The following PRDM11 variants were observed in gnomAD, a reference collection of about 807,000 sequenced individuals.
The protein encoded by PRDM11 is PR/SET domain 11, also known as PR domain-containing protein 11.
A neutral mutation model predicts 97.8 loss-of-function variants in PRDM11; 20 were observed. That is an observed-to-expected ratio of 0.20 (90% CI 0.14 to 0.30). The LOEUF is 0.30. Ranked by LOEUF, PRDM11 falls within the 10% of genes least tolerant of loss-of-function variation. The probability of loss-of-function intolerance (pLI) is 1.00; values close to 1 mark genes in which losing one functional copy is unlikely to be tolerated. For missense variants in PRDM11, 1,139 were observed against 1,555.2 expected, an observed-to-expected ratio of 0.73 and a Z score of 4.50; for synonymous variants, 599 against 637.7, an observed-to-expected ratio of 0.94 and a Z score of 0.91.
At chr11:45,119,125 G>A (rs968677167) in intron 1 of PRDM11, among the ~76,000 whole-genome samples, 1 of 152,200 alleles carries the variant, frequency 6.6e-6, no homozygotes, top group African/African-American at 2.4e-5. Context: ...GCAAGCTGAG[G>A]CTCTGATCTA....
chr11:45,101,675 G>A (rs76158292), intron 1 of PRDM11, among the ~76,000 whole-genome samples: 18,550 of 95,134 alleles, frequency 0.19, 2,519 homozygotes, highest in African/African-American at 0.37. Context: ...GAGGCTGAGC[G>A]GAGGAAGAAG....
Position 45,227,063 on chromosome 11 carries a change from G to A in PRDM11, c.2438G>A (p.Cys813Tyr), listed in dbSNP as rs1253690037. ...CTGCGGTCCACGGCGGCCACCCTTT[G>A]TGAGGAGACAGAGTTCCTGGGCGAT... ...CELRSTAATLCEETEFLGDIR... is the reference protein window; with the variant it reads ...CELRSTAATLYEETEFLGDIR... Residue 813 changes from cysteine to tyrosine, a missense_variant, in exon 8 of 8, where the codon TGT becomes TAT. Cys to Tyr is a radical substitution (Grantham distance 194). Transcript: ENST00000683152. The surrounding 1 kb of genome is among the most constrained non-coding windows in gnomAD (Gnocchi z 8.0). 1.3e-6 allele frequency: 2 copies of A among 1,533,976 alleles called. No individual in the cohort carries two copies. Among genetic ancestry groups the A allele is most frequent in the Non-Finnish European group, 1.7e-6 (2 of 1,146,742 alleles).
rs1341209681 is a variant in PRDM11, at chr11:45,224,481, A to G, written c.1007A>G (p.Lys336Arg). 6.2e-7 allele frequency: 1 copy of G among 1,614,144 alleles called. No homozygotes were observed. Among genetic ancestry groups the G allele is most frequent in the East Asian group, 2.2e-5 (1 of 44,866 alleles). The change falls in exon 7 of 8, where the codon AAA becomes AGA. Residue 336 changes from lysine to arginine, a missense_variant. Physicochemically the swap from Lys to Arg is conservative, Grantham distance 26. This residue lies in a region of PRDM11 where 429 missense variants were observed against 510.3 expected (regional missense o/e 0.84). Coordinates refer to ENST00000683152, the MANE Select transcript of PRDM11 (RefSeq NM_001384648.1). The part of the protein sequence containing the change: ...STSLVIRKVP[K>R]YQDDAYSQCA... ...TCACTGGTCATCAGGAAAGTCCCCA[A>G]ATACCAGGATGACGCCTACAGTCAG...
intron 1 of PRDM11, among the ~76,000 whole-genome samples, chr11:45,164,330 C>T (rs1852007571): frequency 6.6e-6 from 1 of 152,252 alleles, no homozygotes; most frequent in Non-Finnish European, 1.5e-5. Flanking sequence ...CCAGGCTGCG[C>T]TCTGCCAGCC....
chr11:45,159,884 G>C (rs1163332239), intron 1 of PRDM11, among the ~76,000 whole-genome samples: 1 of 152,226 alleles, frequency 6.6e-6, no homozygotes, highest in Non-Finnish European at 1.5e-5. Flanking sequence ...CAATTGGCCA[G>C]GGCTGGGGGC....
intron 1 of PRDM11, among the ~76,000 whole-genome samples, chr11:45,149,755 C>G (rs1470480690): frequency 6.6e-6 from 1 of 152,232 alleles, no homozygotes; most frequent in Non-Finnish European, 1.5e-5. Flanking sequence ...TCACTCCGTG[C>G]GTGAAGCCCT....
chr11:45,149,621 C>T (rs1003391623), intron 1 of PRDM11, among the ~76,000 whole-genome samples: 5 of 152,336 alleles, frequency 3.3e-5, no homozygotes, highest in South Asian at 4.1e-4. Flanking sequence ...CAGTGATTCA[C>T]GTCACTTCTG....
intron 1 of PRDM11, among the ~76,000 whole-genome samples, chr11:45,130,729 C>T (rs1352544593): frequency 6.6e-6 from 1 of 152,096 alleles, no homozygotes; most frequent in East Asian, 1.9e-4. Context: ...GGTCATATTG[C>T]TTATATTATT....
At chr11:45,221,039 A>G (rs1170767489) in intron 6 of PRDM11, among the ~76,000 whole-genome samples, 1 of 152,176 alleles carries the variant, frequency 6.6e-6, no homozygotes. Flanking sequence ...TTGGAAATAA[A>G]TCTTCACTTG....
At chr11:45,191,806 TTTA>T (rs34652553) in intron 4 of PRDM11, among the ~76,000 whole-genome samples, 4 of 148,082 alleles carry the variant, frequency 2.7e-5, no homozygotes, top group Middle Eastern at 3.5e-3. Context: ...CAAACTAGGT[TTTA>T]TTATTATTAT....
chr11:45,212,914 G>A lies in PRDM11; in HGVS notation c.555-6656G>A, dbSNP rs765398140. 1.1e-4 allele frequency: 46 copies of A among 416,158 alleles called. No individual in the cohort carries two copies. The East Asian group carries it at 3.2e-3, about 29-fold the overall frequency. 25.8% of individuals were successfully genotyped at this position (416,158 alleles called of 1,614,324 possible). A position where few individuals can be genotyped will look rare whatever the true frequency, so the allele number is the denominator to read the frequency against. On this transcript the variant is annotated intron_variant, in intron 5 of 7. Transcript: ENST00000683152. ...AGGCATCTCAGCGGGGGCCAGAAGG[G>A]GCAGACCCTACGGGCTCCACTCCCC...
chr11:45,173,825 G>T (rs1852263060), intron 1 of PRDM11, among the ~76,000 whole-genome samples: 1 of 152,204 alleles, frequency 6.6e-6, no homozygotes, highest in Admixed American at 6.5e-5. Flanking sequence ...GACTGGACAG[G>T]GTTAGAGGTC....
Position 45,187,285 on chromosome 11 carries a change from G to C in PRDM11, c.486+4162G>C, listed in dbSNP as rs563444024. 1.5e-4 allele frequency among the ~76,000 whole-genome samples: 23 copies of C among 152,318 alleles called. No homozygotes were observed. The South Asian group carries it at 4.8e-3, about 32-fold the overall frequency. On this transcript the variant is annotated intron_variant, in intron 4 of 7. Transcript: ENST00000683152. ...ATCTTGTCTTGAAGGATGGATAGAC[G>C]TTCAACAGAGGAAGCCTATGGCTTC...
chr11:45,147,889 G>A lies in PRDM11; in HGVS notation c.-7+1012G>A, dbSNP rs150816639. ...AGGAAACACACCCAGCCCTTTGTGCGTGGGGCCAGGAGGCAATGATGAGAG... is the reference window on the plus strand; with the variant it reads ...AGGAAACACACCCAGCCCTTTGTGCATGGGGCCAGGAGGCAATGATGAGAG... On this transcript the variant is annotated intron_variant, in intron 1 of 7. Transcript: ENST00000683152. 1.7e-4 allele frequency among the ~76,000 whole-genome samples: 26 copies of A among 152,318 alleles called. No individual in the cohort carries two copies. The East Asian group carries it at 2.3e-3, about 14-fold the overall frequency.
intron 1 of PRDM11, among the ~76,000 whole-genome samples, chr11:45,098,441 A>G (rs1161114299): frequency 6.6e-6 from 1 of 152,136 alleles, no homozygotes; most frequent in Admixed American, 6.5e-5. Context: ...AGTCGGGGAG[A>G]CTGGAAACCA....
At chr11:45,204,602 G>C (rs951258741) in intron 4 of PRDM11, 109 bp from the exon 5 acceptor site, 96 of 973,110 alleles carry the variant, frequency 9.9e-5, no homozygotes, top group Middle Eastern at 6.6e-4. Context: ...TTCAGGGGGA[G>C]GGGGAGGGAG....
intron 1 of PRDM11, among the ~76,000 whole-genome samples, chr11:45,101,614 A>C (rs1346329685): frequency 6.0e-5 from 9 of 149,476 alleles, no homozygotes; most frequent in Non-Finnish European, 1.2e-4. Context: ...TTCAGGGCTC[A>C]GAGCTAGAGG....
rs371394918 is a variant in PRDM11, at chr11:45,175,735, C to A, written c.-6-6026C>A. ...TACTTTGAGGATTTTGATACATGTG[C>A]CAAATTACCCTCCAGAAAGGTTACA... On this transcript the variant is annotated intron_variant, in intron 1 of 7. Coordinates refer to ENST00000683152, the MANE Select transcript of PRDM11 (RefSeq NM_001384648.1). Among the ~76,000 whole-genome samples, 45 of 152,250 alleles carry A rather than the reference C, an allele frequency of 3.0e-4. No individual in the cohort carries two copies. The East Asian group carries it at 3.5e-3, about 12-fold the overall frequency.
chr11:45,186,319 AG>A (rs1228280246), intron 4 of PRDM11, among the ~76,000 whole-genome samples: 3 of 152,118 alleles, frequency 2.0e-5, no homozygotes, highest in African/African-American at 7.2e-5. Flanking sequence ...GCTTGGGATG[AG>A]TAGAGTTCCT....
Sources: allele counts gnomAD v4.1 joint callset (sites outside exome capture counted in the v4.1 genomes callset), GRCh38; gene constraint gnomAD v4.1.1; regional missense constraint gnomAD v4.1.1; non-coding constraint Gnocchi (gnomAD v3.1); transcripts MANE v1.5; gene names NCBI Gene and HGNC (gene_info 2026-07-23, HGNC 2026-07-21).